PHF24: variants seen among roughly 807,000 people sequenced by gnomAD.
The protein encoded by PHF24 is Galpha inhibitory interacting protein.
In PHF24, 25 loss-of-function variants were observed where a neutral mutation model predicts 42.6. The ratio of observed to expected loss-of-function variants is 0.59; its 90% CI spans 0.43 to 0.82. The LOEUF (loss-of-function observed/expected upper bound fraction) is 0.82. Ranked by LOEUF, PHF24 falls within the 40% of genes least tolerant of loss-of-function variation. PHF24 has a pLI of 0.00. For missense variants in PHF24, 470 were observed against 538.1 expected (o/e 0.87, Z 1.25); for synonymous variants, 185 against 204.8 (o/e 0.90, Z 0.83).
the PHF24 span, among the ~76,000 whole-genome samples, chr9:34,733,086 A>T: frequency 6.6e-6 from 1 of 152,212 alleles, no homozygotes; most frequent in Non-Finnish European, 1.5e-5. Flanking sequence ...TGTATTTTAA[A>T]TGTTGATATT....
the PHF24 span, among the ~76,000 whole-genome samples, chr9:34,898,269 G>T: frequency 1.3e-5 from 2 of 152,268 alleles, no homozygotes; most frequent in Admixed American, 1.3e-4. Context: ...CATAGTGGTT[G>T]TACTAGTTTT....
At chr9:34,956,291 GCT>G (rs1164562976), upstream of PHF24, among the ~76,000 whole-genome samples, 1 of 152,096 alleles carries the variant, frequency 6.6e-6, no homozygotes, top group African/African-American at 2.4e-5. Context: ...ACGGAGTTTC[GCT>G]CTGTCACCCA....
chr9:34,825,977 ACT>A, the PHF24 span, among the ~76,000 whole-genome samples: 1 of 151,766 alleles, frequency 6.6e-6, no homozygotes, highest in Admixed American at 6.6e-5. Flanking sequence ...GAATTGATAC[ACT>A]CTGGAAATCC....
At chr9:34,767,937 C>T in the PHF24 span, among the ~76,000 whole-genome samples, 1 of 152,192 alleles carries the variant, frequency 6.6e-6, no homozygotes, top group African/African-American at 2.4e-5. Flanking sequence ...ATTCTGGATG[C>T]GTGCACATCT....
chr9:34,709,561 T>C, the PHF24 span: 1 of 1,614,206 alleles, frequency 6.2e-7, no homozygotes, highest in Non-Finnish European at 8.5e-7. Context: ...CTGTCCTTCC[T>C]GCAGCCCTGG....
At chr9:34,683,273 C>A in the PHF24 span, among the ~76,000 whole-genome samples, 2 of 152,220 alleles carry the variant, frequency 1.3e-5, no homozygotes, top group African/African-American at 4.8e-5. Context: ...GTTGGCCAAG[C>A]TGGTCTCGAA....
chr9:34,956,283 G>A (rs141837540), upstream of PHF24, among the ~76,000 whole-genome samples: 2 of 152,220 alleles, frequency 1.3e-5, no homozygotes, highest in African/African-American at 2.4e-5. Context: ...TGTGTGTGAC[G>A]GAGTTTCGCT....
chr9:34,721,451 G>C, the PHF24 span, among the ~76,000 whole-genome samples: 1 of 146,752 alleles, frequency 6.8e-6, no homozygotes, highest in African/African-American at 2.6e-5. Context: ...TTTTGCTCTT[G>C]TCGCCCAGGC....
At chr9:34,782,937 T>C in the PHF24 span, among the ~76,000 whole-genome samples, 74 of 152,254 alleles carry the variant, frequency 4.9e-4, no homozygotes, top group Non-Finnish European at 9.1e-4. Context: ...CCAGAAAACA[T>C]CCATCTAAGC....
At chr9:34,875,944 ACACACACTCTCTCTCTCTCTCT>A in the PHF24 span, among the ~76,000 whole-genome samples, 164 of 85,584 alleles carry the variant, frequency 1.9e-3, 1 homozygote, top group African/African-American at 3.1e-3. Flanking sequence ...ACACACACAC[ACACACACTCTCTCTCTCTCTCT>A]CTCTCTCTCT....
the PHF24 span, among the ~76,000 whole-genome samples, chr9:34,789,138 G>A: frequency 5.9e-5 from 9 of 152,090 alleles, no homozygotes; most frequent in African/African-American, 2.2e-4. Flanking sequence ...GGGACTTAAG[G>A]CAGTAGTGGA....
chr9:34,736,056 A>G, the PHF24 span, among the ~76,000 whole-genome samples: 2 of 152,070 alleles, frequency 1.3e-5, no homozygotes, highest in Non-Finnish European at 2.9e-5. Context: ...CAGGCTCACC[A>G]GTAGTAGTTT....
At chr9:34,958,277 C>CCTG (rs1826457857), upstream of PHF24, 1 of 152,784 alleles carries the variant, frequency 6.5e-6, no homozygotes, top group African/African-American at 2.4e-5. This position sits in a 1 kb window ranked among gnomAD's most constrained non-coding sequence, Gnocchi z 4.5. Context: ...TGCCGCTCCG[C>CCTG]CCGCGCCGCC....
the PHF24 span, among the ~76,000 whole-genome samples, chr9:34,708,150 C>G: frequency 6.6e-6 from 1 of 152,120 alleles, no homozygotes; most frequent in Non-Finnish European, 1.5e-5. Flanking sequence ...ATAGAAGGGT[C>G]TTCACTCTGG....
At chr9:34,843,031 C>G in the PHF24 span, among the ~76,000 whole-genome samples, 208 of 152,198 alleles carry the variant, frequency 1.4e-3, 8 homozygotes, top group South Asian at 0.042. Context: ...AAGCTTTGTA[C>G]AAACATTTTT....
the PHF24 span, among the ~76,000 whole-genome samples, chr9:34,848,517 A>T: frequency 2.4e-4 from 37 of 151,946 alleles, no homozygotes; most frequent in East Asian, 7.0e-3. Context: ...TTTGCTAGCG[A>T]TCTATCAATT....
the PHF24 span, among the ~76,000 whole-genome samples, chr9:34,757,600 G>A: frequency 6.6e-6 from 1 of 152,054 alleles, no homozygotes; most frequent in African/African-American, 2.4e-5. Context: ...CATAGGGAAA[G>A]GCTTATTCAT....
At chr9:34,874,207 C>T in the PHF24 span, among the ~76,000 whole-genome samples, 1 of 152,146 alleles carries the variant, frequency 6.6e-6, no homozygotes, top group Admixed American at 6.5e-5. Flanking sequence ...TGCCTAATTG[C>T]CCTGGCCAGC....
chr9:34,691,399 G>A, the PHF24 span: 2 of 472,052 alleles, frequency 4.2e-6, no homozygotes, highest in Non-Finnish European at 7.6e-6. Flanking sequence ...ATCGCACCCT[G>A]CCCCCCTTCT....
Sources: allele counts gnomAD v4.1 joint callset (sites outside exome capture counted in the v4.1 genomes callset), GRCh38; gene constraint gnomAD v4.1.1; non-coding constraint Gnocchi (gnomAD v3.1); transcripts MANE v1.5; gene names NCBI Gene and HGNC (gene_info 2026-07-23, HGNC 2026-07-21).